The following STK3 variants were observed in gnomAD, a reference collection of about 807,000 sequenced individuals.
STK3 encodes the protein serine/threonine kinase 3.
In STK3, 41 loss-of-function variants were observed where a neutral mutation model predicts 58.0. The ratio of observed to expected loss-of-function variants is 0.71; its 90% CI spans 0.55 to 0.92. The LOEUF is 0.92. Ranked by LOEUF, STK3 falls within the 40% of genes least tolerant of loss-of-function variation. The probability of loss-of-function intolerance (pLI) is 0.00; values close to 1 mark genes in which losing one functional copy is unlikely to be tolerated. For synonymous variants in STK3, 170 were observed against 191.0 expected, an observed-to-expected ratio of 0.89 and a Z score of 0.91; for missense variants, 479 against 602.7, an observed-to-expected ratio of 0.79 and a Z score of 2.15.
chr8:98,556,161 T>C (rs1037129297), intron 8 of STK3, among the ~76,000 whole-genome samples: 1 of 152,020 alleles, frequency 6.6e-6, no homozygotes, highest in Non-Finnish European at 1.5e-5. Flanking sequence ...CTTTAGAATT[T>C]ATAACCATGG....
intron 3 of STK3, among the ~76,000 whole-genome samples, chr8:98,762,053 T>G (rs1830649974): frequency 6.6e-6 from 1 of 152,138 alleles, no homozygotes; most frequent in African/African-American, 2.4e-5. Flanking sequence ...TCAGCTGAGG[T>G]ATGACCTCCC....
At chr8:98,683,728 T>C (rs1823790787) in intron 6 of STK3, among the ~76,000 whole-genome samples, 2 of 152,154 alleles carry the variant, frequency 1.3e-5, no homozygotes. Flanking sequence ...AACTAAGCTT[T>C]CCAGAAGTAG....
chr8:98,841,714 A>G (rs2131810580), intron 3 of STK3, among the ~76,000 whole-genome samples: 1 of 151,164 alleles, frequency 6.6e-6, no homozygotes, highest in South Asian at 2.1e-4. Flanking sequence ...TTAAAAATGT[A>G]AAAAATAAAA....
At chr8:98,866,736 T>C (rs1031265692) in intron 3 of STK3, among the ~76,000 whole-genome samples, 3 of 152,144 alleles carry the variant, frequency 2.0e-5, no homozygotes, top group African/African-American at 7.2e-5. Context: ...TAAACAGGAT[T>C]GGGCAGAGGA....
At chr8:98,830,152 T>C (rs1482931667), upstream of STK3, among the ~76,000 whole-genome samples, 1 of 152,014 alleles carries the variant, frequency 6.6e-6, no homozygotes, top group Non-Finnish European at 1.5e-5. Flanking sequence ...TGCGTGAACC[T>C]GGGAGGCAGA....
intron 1 of STK3, among the ~76,000 whole-genome samples, chr8:98,907,292 T>C (rs555992661): frequency 1.3e-5 from 2 of 152,084 alleles, no homozygotes; most frequent in Admixed American, 1.3e-4. Context: ...GGCTGGCGGG[T>C]CACAAGTTCA....
At chr8:98,540,242 G>T (rs935270648) in intron 9 of STK3, among the ~76,000 whole-genome samples, 2 of 152,154 alleles carry the variant, frequency 1.3e-5, no homozygotes, top group African/African-American at 2.4e-5. Flanking sequence ...CTAAAAAGTG[G>T]TTATCTGTCC....
intron 1 of STK3, among the ~76,000 whole-genome samples, chr8:98,938,505 C>T (rs182275228): frequency 1.9e-4 from 29 of 152,278 alleles, no homozygotes; most frequent in Admixed American, 1.4e-3. Context: ...CAAATCAGGA[C>T]GCCAATGCTG....
chr8:98,810,414 C>G (rs540256965), intron 1 of STK3, among the ~76,000 whole-genome samples: 57 of 152,130 alleles, frequency 3.7e-4, no homozygotes, highest in African/African-American at 1.4e-3. Flanking sequence ...TGCTCCACAT[C>G]CTCACCAACA....
intron 10 of STK3, among the ~76,000 whole-genome samples, chr8:98,477,227 A>C (rs1821394892): frequency 6.6e-6 from 1 of 152,142 alleles, no homozygotes. Flanking sequence ...TCAGTATATA[A>C]GTTTTCAATT....
chr8:98,589,272 T>C (rs1416259555), intron 7 of STK3, among the ~76,000 whole-genome samples: 1 of 152,176 alleles, frequency 6.6e-6, no homozygotes, highest in Non-Finnish European at 1.5e-5. Flanking sequence ...ACAGATGGGT[T>C]TTTGGTGTGG....
intron 6 of STK3, among the ~76,000 whole-genome samples, chr8:98,628,265 A>T (rs1818885821): frequency 6.6e-6 from 1 of 151,860 alleles, no homozygotes; most frequent in Non-Finnish European, 1.5e-5. Flanking sequence ...TCTCTTTTCA[A>T]TTTTCCAGGC....
chr8:98,922,456 G>A (rs1839601727), intron 1 of STK3, among the ~76,000 whole-genome samples: 2 of 152,182 alleles, frequency 1.3e-5, no homozygotes, highest in South Asian at 2.1e-4. Flanking sequence ...TCTATTACCT[G>A]CATTTGAATA....
At chr8:98,440,598 G>C (rs1818655952) in intron 1 of STK3, among the ~76,000 whole-genome samples, 1 of 151,974 alleles carries the variant, frequency 6.6e-6, no homozygotes. Flanking sequence ...CCATTAACCA[G>C]TGGTACAGTG....
chr8:98,693,682 T>C (rs1824595336), intron 6 of STK3, among the ~76,000 whole-genome samples: 1 of 152,180 alleles, frequency 6.6e-6, no homozygotes, highest in South Asian at 2.1e-4. Flanking sequence ...CAACAGGTGG[T>C]GTCAGACAAA....
intron 8 of STK3, among the ~76,000 whole-genome samples, chr8:98,575,112 T>C (rs756504885): frequency 6.6e-6 from 1 of 152,208 alleles, no homozygotes; most frequent in Non-Finnish European, 1.5e-5. Context: ...TATCTGAATG[T>C]AATTTAGAAG....
intron 8 of STK3, among the ~76,000 whole-genome samples, chr8:98,575,949 G>C (rs1563756318): frequency 6.6e-6 from 1 of 152,086 alleles, no homozygotes; most frequent in African/African-American, 2.4e-5. Flanking sequence ...CATTCTCTAA[G>C]AATTCACTGA....
At chr8:98,489,095 T>C (rs1015300558) in intron 10 of STK3, among the ~76,000 whole-genome samples, 1 of 152,172 alleles carries the variant, frequency 6.6e-6, no homozygotes, top group Non-Finnish European at 1.5e-5. Context: ...GAAACTGATT[T>C]TTCCATTTTT....
intron 1 of STK3, among the ~76,000 whole-genome samples, chr8:98,898,932 C>A (rs933875526): frequency 1.1e-4 from 16 of 152,164 alleles, no homozygotes; most frequent in Admixed American, 4.6e-4. Flanking sequence ...GCCTGTGGAC[C>A]AATCCCCAGT....
Sources: gnomAD v4.1 joint callset for allele counts (sites outside exome capture counted in the v4.1 genomes callset) on GRCh38, gnomAD v4.1.1 for gene constraint, MANE v1.5 for transcripts, NCBI Gene and HGNC (gene_info 2026-07-23, HGNC 2026-07-21) for gene names.